The following BAIAP2 variants were observed in gnomAD, a reference collection of about 807,000 sequenced individuals.
The protein encoded by BAIAP2 is BAR/IMD domain-containing adapter protein 2.
In BAIAP2, 18 loss-of-function variants were observed where a neutral mutation model predicts 63.0. The ratio of observed to expected loss-of-function variants is 0.29; its 90% CI spans 0.20 to 0.42. BAIAP2 has a LOEUF of 0.42. BAIAP2 is among the 10% of genes least tolerant of loss of function. The probability of loss-of-function intolerance (pLI) is 1.00; values close to 1 mark genes in which losing one functional copy is unlikely to be tolerated. For missense variants in BAIAP2, 610 were observed against 734.3 expected, an observed-to-expected ratio of 0.83 and a Z score of 1.96; for synonymous variants, 386 against 307.6, an observed-to-expected ratio of 1.25 and a Z score of -2.67.
At position 81,055,511 on chromosome 17, in the gene BAIAP2, C is replaced by G. The variant is rs111591440; in HGVS notation, c.130+1768C>G. On this transcript the variant is annotated intron_variant, in intron 2 of 13. Transcript: ENST00000428708. ...TGGGCCCGGGGTTGCACCCGAGGGA[C>G]CTGCTCATCAAAATTGTCTTAAAGA... is the stretch of plus-strand genomic sequence containing the variant. Among the ~76,000 whole-genome samples, 115 of 151,500 alleles carry G rather than the reference C, an allele frequency of 7.6e-4. 4 individuals are homozygous for G. Among genetic ancestry groups the G allele is most frequent in the African/African-American group, 2.8e-3 (114 of 41,366 alleles).
chr17:81,067,332 G>A (rs574388731), intron 3 of BAIAP2, among the ~76,000 whole-genome samples: 49 of 152,362 alleles, frequency 3.2e-4, no homozygotes, highest in African/African-American at 1.2e-3. Flanking sequence ...GCAGAGGCGC[G>A]TGCTCCTGCT....
intron 6 of BAIAP2, among the ~76,000 whole-genome samples, chr17:81,092,261 T>A (rs2145556819): frequency 6.6e-6 from 1 of 152,330 alleles, no homozygotes; most frequent in South Asian, 2.1e-4. Flanking sequence ...ATGGCACGTG[T>A]GAGGGGCGGC....
chr17:81,101,353 G>C (rs977328361), intron 7 of BAIAP2, among the ~76,000 whole-genome samples: 3 of 152,164 alleles, frequency 2.0e-5, no homozygotes, highest in Non-Finnish European at 4.4e-5. Flanking sequence ...TTAGCCCCCA[G>C]AGCAGGCAAG....
intron 2 of BAIAP2, among the ~76,000 whole-genome samples, chr17:81,054,974 C>T (rs1252437410): frequency 6.6e-6 from 1 of 152,192 alleles, no homozygotes; most frequent in Non-Finnish European, 1.5e-5. Context: ...TCTACCGTGT[C>T]TGTCCCTGTA....
At chr17:81,080,295 C>G (rs1054565257) in intron 3 of BAIAP2, among the ~76,000 whole-genome samples, 1 of 152,374 alleles carries the variant, frequency 6.6e-6, no homozygotes, top group South Asian at 2.1e-4. Context: ...CACTCCATGC[C>G]CACGTGGTTT....
chr17:81,047,869 A>C (rs1430550665), intron 1 of BAIAP2, among the ~76,000 whole-genome samples: 1 of 152,282 alleles, frequency 6.6e-6, no homozygotes, highest in Non-Finnish European at 1.5e-5. Context: ...CATGCAGCAC[A>C]TGGCCGCAGC....
intron 6 of BAIAP2, among the ~76,000 whole-genome samples, chr17:81,087,192 G>T (rs2055820338): frequency 6.6e-6 from 1 of 152,216 alleles, no homozygotes; most frequent in South Asian, 2.1e-4. Context: ...CACAAAACAA[G>T]ATGCCCAGTC....
At chr17:81,070,067 C>T (rs1212352395) in intron 3 of BAIAP2, among the ~76,000 whole-genome samples, 1 of 152,186 alleles carries the variant, frequency 6.6e-6, no homozygotes, top group Non-Finnish European at 1.5e-5. Flanking sequence ...TCAAGCGATC[C>T]TCCCACCTCA....
chr17:81,055,775 C>T (rs2049445557), intron 2 of BAIAP2, among the ~76,000 whole-genome samples: 1 of 151,886 alleles, frequency 6.6e-6, no homozygotes, highest in Admixed American at 6.6e-5. Context: ...CTGTGTTAGC[C>T]AGGATGGTCT....
chr17:81,099,315 C>T (rs943543130), intron 6 of BAIAP2, among the ~76,000 whole-genome samples: 9 of 152,168 alleles, frequency 5.9e-5, no homozygotes, highest in African/African-American at 2.2e-4. Context: ...CATTCAGAGC[C>T]GGAGCCGGGT....
intron 6 of BAIAP2, among the ~76,000 whole-genome samples, chr17:81,089,703 G>A (rs1389822491): frequency 1.3e-5 from 2 of 152,188 alleles, no homozygotes; most frequent in African/African-American, 4.8e-5. Flanking sequence ...CCCGGAGCCC[G>A]GCAGGGTCAG....
At chr17:81,050,637 C>T (rs1024484758) in intron 1 of BAIAP2, among the ~76,000 whole-genome samples, 16 of 152,204 alleles carry the variant, frequency 1.1e-4, no homozygotes, top group Non-Finnish European at 5.9e-5. Flanking sequence ...TGCTCTGGCA[C>T]GCCCACCTCC....
intron 2 of BAIAP2, chr17:81,057,556 A>T: frequency 1.2e-6 from 1 of 869,096 alleles, no homozygotes; most frequent in Non-Finnish European, 1.4e-6. Context: ...AAATACAGTT[A>T]GTACAACACT....
chr17:81,102,006 C>G (rs2058556302), intron 7 of BAIAP2, among the ~76,000 whole-genome samples: 1 of 152,160 alleles, frequency 6.6e-6, no homozygotes, highest in African/African-American at 2.4e-5. Flanking sequence ...GGGGTGCTGC[C>G]TGCAGGGATG....
intron 3 of BAIAP2, among the ~76,000 whole-genome samples, chr17:81,061,537 T>C (rs1188805892): frequency 6.6e-6 from 1 of 152,192 alleles, no homozygotes; most frequent in Non-Finnish European, 1.5e-5. Context: ...TGTCTTCTTT[T>C]TTTGTCCAGC....
chr17:81,108,915 G>C, intron 13 of BAIAP2: 1 of 1,532,778 alleles, frequency 6.5e-7, no homozygotes, highest in African/African-American at 1.4e-5. Flanking sequence ...CTCGCCGCCT[G>C]TGGCTGGGCA....
intron 6 of BAIAP2, among the ~76,000 whole-genome samples, chr17:81,096,994 A>AGGC (rs200399171): frequency 0.012 from 1,822 of 152,276 alleles, 17 homozygotes; most frequent in South Asian, 0.044. Context: ...GAGGAGGAGG[A>AGGC]GGCAGCGGCA....
chr17:81,078,693 G>A (rs1398877823), intron 3 of BAIAP2, among the ~76,000 whole-genome samples: 1 of 151,970 alleles, frequency 6.6e-6, no homozygotes, highest in Non-Finnish European at 1.5e-5. Context: ...GGAGCTGGGC[G>A]TGTTTGCGGC....
At chr17:81,107,054 G>C in intron 12 of BAIAP2, 147 bp downstream of exon 12, 2 of 1,013,746 alleles carry the variant, frequency 2.0e-6, no homozygotes, top group Non-Finnish European at 2.8e-6. Context: ...TGCATGATTT[G>C]GGAATGTGTA....
Sources: gnomAD v4.1 joint callset for allele counts (sites outside exome capture counted in the v4.1 genomes callset) on GRCh38, gnomAD v4.1.1 for gene constraint, MANE v1.5 for transcripts, NCBI Gene and HGNC (gene_info 2026-07-23, HGNC 2026-07-21) for gene names.